The following ADCY9 variants were observed in gnomAD, a reference collection of about 807,000 sequenced individuals.
The protein encoded by ADCY9 is adenylate cyclase 9.
ADCY9 carries 50 observed loss-of-function variants against 101.5 expected under a neutral mutation model. That is an observed-to-expected ratio of 0.49 (90% confidence interval 0.39 to 0.62). The LOEUF is 0.62. ADCY9 is among the 20% of genes least tolerant of loss of function. The probability of loss-of-function intolerance (pLI) is 0.00; values close to 1 mark genes in which losing one functional copy is unlikely to be tolerated. For synonymous variants in ADCY9, 905 were observed against 769.3 expected (o/e 1.18, Z -2.92); for missense variants, 1,662 against 1,800.4 (o/e 0.92, Z 1.39).
chr16:4,107,411 C>T (rs1203198594), intron 2 of ADCY9, among the ~76,000 whole-genome samples: 1 of 151,894 alleles, frequency 6.6e-6, no homozygotes, highest in Non-Finnish European at 1.5e-5. Flanking sequence ...ATTAGCCGGG[C>T]GTGGTGGCGC....
rs1035833837 is a variant in ADCY9 at position 3,963,440 on chromosome 16, C to T, written c.*2335G>A. ...ATCGGAGCAGGGGACGGGGAGGACC[C>T]GAGGGGCTTCGTGGCCCAGAGAGAA... On this transcript the variant is annotated 3_prime_UTR_variant, in exon 11 of 11. Transcript: ENST00000294016. The T allele has an allele frequency of 3.3e-5, 13 of 397,478 alleles. No homozygotes were observed. Among genetic ancestry groups the T allele is most frequent in the Non-Finnish European group, 4.4e-5 (10 of 225,332 alleles). 24.6% of individuals were successfully genotyped at this position (397,478 alleles called of 1,614,324 possible).
intron 5 of ADCY9, among the ~76,000 whole-genome samples, chr16:3,990,203 C>G (rs757161128): frequency 9.9e-5 from 15 of 152,136 alleles, no homozygotes; most frequent in Non-Finnish European, 1.6e-4. Context: ...GGTGGCTCAT[C>G]CTTGTAATCC....
chr16:4,054,821 C>T (rs1223489946), intron 2 of ADCY9, among the ~76,000 whole-genome samples: 1 of 152,142 alleles, frequency 6.6e-6, no homozygotes, highest in Non-Finnish European at 1.5e-5. Context: ...CCTGCCTCGA[C>T]CTCCCAAAGT....
At chr16:4,057,264 C>T (rs1469797381) in intron 2 of ADCY9, among the ~76,000 whole-genome samples, 2 of 152,072 alleles carry the variant, frequency 1.3e-5, no homozygotes, top group Non-Finnish European at 2.9e-5. Flanking sequence ...CCTCAGCTTC[C>T]TGAGTAGCTG....
rs895209066 is a variant in ADCY9 at position 4,107,495 on chromosome 16, A to G, written c.1693+6255T>C. ...GAACCTGGGAGGCAGAGGTTGCAGT[A>G]AGCTGAGATCACGCCATGGCATTCC... On this transcript the variant is annotated intron_variant, in intron 2 of 10. Coordinates refer to ENST00000294016, the MANE Select transcript of ADCY9 (RefSeq NM_001116.4). Among the ~76,000 whole-genome samples, 3 of 145,768 alleles carry G rather than the reference A, an allele frequency of 2.1e-5. No homozygotes were observed. The Admixed American group carries it at 2.2e-4, about 11-fold the overall frequency.
At chr16:3,994,239 C>T (rs1424246211) in intron 3 of ADCY9, among the ~76,000 whole-genome samples, 2 of 152,202 alleles carry the variant, frequency 1.3e-5, no homozygotes, top group Admixed American at 1.3e-4. Context: ...CGGGTCCTCA[C>T]TGGACACTGA....
chr16:4,041,807 G>A (rs77719028), intron 2 of ADCY9, among the ~76,000 whole-genome samples: 21,803 of 148,984 alleles, frequency 0.15, 2,079 homozygotes, highest in East Asian at 0.29. Flanking sequence ...GCTGGAGTAC[G>A]GTGGAGTAAT....
rs182994660 is a variant in ADCY9 at position 4,010,615 on chromosome 16, T to C, written c.1694-3057A>G. 3.3e-5 allele frequency among the ~76,000 whole-genome samples: 5 copies of C among 152,260 alleles called. No individual in the cohort carries two copies. In the East Asian group the frequency reaches 9.7e-4, roughly 29 times the overall value. ...GAGATCGTGACCTGTGTGGAGCCCA[T>C]TACCTGAAGAGGGGCCAAGAGGACA... On this transcript the variant is annotated intron_variant, in intron 2 of 10. Transcript: ENST00000294016.
At chr16:4,018,079 A>T (rs750139118) in intron 2 of ADCY9, among the ~76,000 whole-genome samples, 2 of 152,204 alleles carry the variant, frequency 1.3e-5, no homozygotes, top group Non-Finnish European at 2.9e-5. Context: ...TCTGACCCAC[A>T]GGTGGTTATA....
At position 3,992,900 on chromosome 16, in the gene ADCY9, G is replaced by A. The variant is rs766180130; in HGVS notation, c.1989+506C>T. 3.1e-4 allele frequency among the ~76,000 whole-genome samples: 47 copies of A among 152,214 alleles called. No homozygotes were observed. Among genetic ancestry groups the A allele is most frequent in the African/African-American group, 5.8e-4 (24 of 41,544 alleles). On this transcript the variant is annotated intron_variant, in intron 4 of 10. Coordinates refer to ENST00000294016, the MANE Select transcript of ADCY9 (RefSeq NM_001116.4). This position sits in a 1 kb window ranked among gnomAD's most constrained non-coding sequence, Gnocchi z 4.2. ...GAGAGCAGATGGAGGACGAGAGCCC[G>A]CGCCCCAGGTGAGTCGCCTGCATGA...
At chr16:4,039,606 G>A (rs1486696919) in intron 2 of ADCY9, among the ~76,000 whole-genome samples, 1 of 150,178 alleles carries the variant, frequency 6.7e-6, no homozygotes, top group East Asian at 1.9e-4. Context: ...TTGAACCTGG[G>A]AGGCAGAGGT....
intron 2 of ADCY9, among the ~76,000 whole-genome samples, chr16:4,068,360 G>C (rs2056812847): frequency 1.3e-5 from 2 of 150,914 alleles, no homozygotes. Flanking sequence ...ATTAGTACAA[G>C]TTCCTCTAAT....
chr16:4,103,738 G>A (rs949785508), intron 2 of ADCY9, among the ~76,000 whole-genome samples: 1 of 152,180 alleles, frequency 6.6e-6, no homozygotes, highest in African/African-American at 2.4e-5. Context: ...GGCTGAGGCA[G>A]GAGAATCACT....
intron 2 of ADCY9, among the ~76,000 whole-genome samples, chr16:4,012,357 A>C (rs2056409818): frequency 6.6e-6 from 1 of 152,138 alleles, no homozygotes; most frequent in Non-Finnish European, 1.5e-5. Flanking sequence ...TACTGAGTTC[A>C]AGCCCAGCGA....
intron 2 of ADCY9, among the ~76,000 whole-genome samples, chr16:4,046,060 G>A (rs942010402): frequency 6.6e-6 from 1 of 151,574 alleles, no homozygotes; most frequent in Admixed American, 6.6e-5. Flanking sequence ...TATGTTTCCC[G>A]GGCTGGCCTC....
chr16:4,010,307 C>T (rs923439364), intron 2 of ADCY9, among the ~76,000 whole-genome samples: 2 of 152,194 alleles, frequency 1.3e-5, no homozygotes, highest in South Asian at 4.1e-4. Flanking sequence ...TGCGTGGCAA[C>T]TGAAGCTGAG....
chr16:4,059,417 G>T (rs985712713), intron 2 of ADCY9, among the ~76,000 whole-genome samples: 2 of 146,066 alleles, frequency 1.4e-5, no homozygotes, highest in East Asian at 4.0e-4. Flanking sequence ...AAGAAAGAAA[G>T]TTAGAAGAAA....
chr16:3,957,272 T>C (rs1424514499), intron 5 of ADCY9, among the ~76,000 whole-genome samples: 2 of 152,242 alleles, frequency 1.3e-5, no homozygotes, highest in Admixed American at 6.5e-5. Flanking sequence ...CTGCCAACAC[T>C]TCAATGGGGC....
chr16:3,983,514 C>G, intron 6 of ADCY9, 74 bp from the exon 7 acceptor site: 1 of 1,293,270 alleles, frequency 7.7e-7, no homozygotes, highest in Non-Finnish European at 1.1e-6. Context: ...GATGGAGAAA[C>G]AGGCAACACG....
Sources: gnomAD v4.1 joint callset for allele counts (sites outside exome capture counted in the v4.1 genomes callset) on GRCh38, gnomAD v4.1.1 for gene constraint, Gnocchi (gnomAD v3.1) non-coding constraint, MANE v1.5 for transcripts, NCBI Gene and HGNC (gene_info 2026-07-23, HGNC 2026-07-21) for gene names.